Variants in R3HCC1L observed in about 807,000 individuals in gnomAD.
The protein encoded by R3HCC1L is R3H domain and coiled-coil containing 1 like.
A neutral mutation model predicts 59.9 loss-of-function variants in R3HCC1L; 51 were observed. That is an observed-to-expected ratio of 0.85 (90% confidence interval 0.68 to 1.07). The LOEUF (loss-of-function observed/expected upper bound fraction) is 1.07, where lower values mean the gene tolerates loss of function less well. Among genes scored for constraint, R3HCC1L ranks in the 50% least tolerant of loss-of-function variants. The pLI, the probability that R3HCC1L is intolerant of heterozygous loss-of-function variation, is 0.00. For missense variants in R3HCC1L, 965 were observed against 933.0 expected (o/e 1.03, Z -0.45); for synonymous variants, 322 against 315.2 (o/e 1.02, Z -0.23).
At chr10:98,153,021 C>T (rs1846415261) in intron 1 of R3HCC1L, among the ~76,000 whole-genome samples, 1 of 150,206 alleles carries the variant, frequency 6.7e-6, no homozygotes, top group South Asian at 2.1e-4. Flanking sequence ...GGCCGCCGCC[C>T]CGTCCGGGAG....
At chr10:98,209,954 G>A in intron 5 of R3HCC1L, 55 bp downstream of exon 5, 1 of 1,427,170 alleles carries the variant, frequency 7.0e-7, no homozygotes, top group Non-Finnish European at 9.6e-7. Flanking sequence ...TAGGATTTCA[G>A]TGGTAATTTT....
chr10:98,212,058 A>G (rs1298843276), intron 5 of R3HCC1L, among the ~76,000 whole-genome samples: 1 of 152,104 alleles, frequency 6.6e-6, no homozygotes, highest in Non-Finnish European at 1.5e-5. Flanking sequence ...GGAAAAGAGT[A>G]GGGTCTGTGT....
intron 5 of R3HCC1L, among the ~76,000 whole-genome samples, chr10:98,212,497 A>G (rs563729523): frequency 6.6e-6 from 1 of 152,308 alleles, no homozygotes; most frequent in East Asian, 1.9e-4. Flanking sequence ...GGGTTAGAGT[A>G]TAAGTAGGTC....
chr10:98,205,781 T>C (rs991514036), intron 4 of R3HCC1L, among the ~76,000 whole-genome samples: 1 of 152,208 alleles, frequency 6.6e-6, no homozygotes, highest in Non-Finnish European at 1.5e-5. Context: ...TGGCACATAA[T>C]AATTTTAAAG....
intron 1 of R3HCC1L, among the ~76,000 whole-genome samples, chr10:98,145,635 T>G (rs1170525030): frequency 6.6e-6 from 1 of 152,210 alleles, no homozygotes; most frequent in Non-Finnish European, 1.5e-5. Context: ...GAAACTGCTT[T>G]TAGAACCTGT....
chr10:98,227,473 G>A (rs1204017412), intron 5 of R3HCC1L, among the ~76,000 whole-genome samples: 2 of 151,878 alleles, frequency 1.3e-5, no homozygotes, highest in Non-Finnish European at 2.9e-5. Context: ...TAAAACCAGA[G>A]AAAGCTTGAA....
chr10:98,166,447 C>T (rs966985196), intron 4 of R3HCC1L, among the ~76,000 whole-genome samples: 5 of 152,150 alleles, frequency 3.3e-5, no homozygotes, highest in South Asian at 2.1e-4. Context: ...TGACTTTTTG[C>T]GTCTTCACAT....
At chr10:98,234,385 T>G in intron 6 of R3HCC1L, 61 bp from the exon 7 acceptor site, 14 of 1,394,978 alleles carry the variant, frequency 1.0e-5, no homozygotes, top group Non-Finnish European at 1.4e-5. Flanking sequence ...ATTCTATTTG[T>G]GAGATGTTTC....
chr10:98,224,400 T>C (rs1855423870), intron 5 of R3HCC1L, among the ~76,000 whole-genome samples: 1 of 152,206 alleles, frequency 6.6e-6, no homozygotes, highest in African/African-American at 2.4e-5. Flanking sequence ...CTTGTTGATC[T>C]TGTGCTCTCT....
intron 4 of R3HCC1L, among the ~76,000 whole-genome samples, chr10:98,206,183 TGTA>T (rs1852625438): frequency 6.6e-6 from 1 of 152,122 alleles, no homozygotes; most frequent in Admixed American, 6.5e-5. Context: ...TTCTAGACTC[TGTA>T]ATCTAAGAGT....
intron 4 of R3HCC1L, among the ~76,000 whole-genome samples, chr10:98,171,934 G>T (rs1848550175): frequency 6.6e-6 from 1 of 152,128 alleles, no homozygotes; most frequent in Non-Finnish European, 1.5e-5. Context: ...AGCAGGCAAG[G>T]ATTAGTACTT....
chr10:98,135,456 G>A (rs1385312026), intron 1 of R3HCC1L, among the ~76,000 whole-genome samples: 1 of 152,238 alleles, frequency 6.6e-6, no homozygotes, highest in Non-Finnish European at 1.5e-5. Flanking sequence ...TTCAGCAGAA[G>A]TGATATTCCT....
chr10:98,209,083 C>T lies in R3HCC1L; in HGVS notation c.969C>T (p.Asp323=), dbSNP rs968072485. The T allele has an allele frequency of 1.9e-6, 3 of 1,613,986 alleles. No homozygotes were observed. Among genetic ancestry groups the T allele is most frequent in the African/African-American group, 1.3e-5 (1 of 75,030 alleles). ...TCTCTCTGTCAGAGAGCACAAATGA[C>T]ACTGTTAGTCCAGTAATGATTAGAG... ...GHISLSESTN[D]TVSPVMIREC... The change falls in exon 5 of 10, where the codon GAC becomes GAT. Residue 323 remains aspartate, a synonymous_variant. Coordinates refer to ENST00000298999, the MANE Select transcript of R3HCC1L (RefSeq NM_001351015.2).
intron 1 of R3HCC1L, among the ~76,000 whole-genome samples, chr10:98,155,562 T>C (rs967636446): frequency 2.6e-5 from 4 of 152,084 alleles, no homozygotes; most frequent in Non-Finnish European, 4.4e-5. Flanking sequence ...AAAAATAATT[T>C]AAAATATTTT....
chr10:98,191,363 G>A (rs1208937639), intron 4 of R3HCC1L, among the ~76,000 whole-genome samples: 1 of 152,172 alleles, frequency 6.6e-6, no homozygotes, highest in Non-Finnish European at 1.5e-5. Context: ...GCGTGAGATG[G>A]TATCTCATCA....
chr10:98,194,663 A>G (rs1851230031), intron 4 of R3HCC1L, among the ~76,000 whole-genome samples: 1 of 152,146 alleles, frequency 6.6e-6, no homozygotes, highest in Non-Finnish European at 1.5e-5. Flanking sequence ...GCAGAACCCA[A>G]ATAAAGATTT....
At position 98,209,064 on chromosome 10, in the gene R3HCC1L, T is replaced by C. The variant is rs1564698633; in HGVS notation, c.950T>C (p.Leu317Pro). Residue 317 changes from leucine (L) to proline (P), a missense_variant, in exon 5 of 10, where the codon CTG becomes CCG. Transcript: ENST00000298999. ...CCTGCAACTATGGGTCACATCTCTC[T>C]GTCAGAGAGCACAAATGACACTGTT... ...SIPATMGHIS[L>P]SESTNDTVSP... is the part of the protein sequence containing the mutation. The C allele has an allele frequency of 1.2e-6, 2 of 1,613,914 alleles. No homozygotes were observed. The highest frequency in any genetic ancestry group is 1.7e-6 in the Non-Finnish European group (2 of 1,179,810).
chr10:98,229,210 C>T (rs1282323104), intron 5 of R3HCC1L, among the ~76,000 whole-genome samples: 2 of 152,186 alleles, frequency 1.3e-5, no homozygotes, highest in South Asian at 2.1e-4. Flanking sequence ...ATTCTTCCTA[C>T]CCATGAGCAT....
intron 1 of R3HCC1L, among the ~76,000 whole-genome samples, chr10:98,155,514 A>G (rs759474593): frequency 2.0e-5 from 3 of 152,284 alleles, no homozygotes; most frequent in Non-Finnish European, 4.4e-5. Context: ...TTTTTGAATG[A>G]TGAACAATTA....
Sources: allele counts gnomAD v4.1 joint callset (sites outside exome capture counted in the v4.1 genomes callset), GRCh38; gene constraint gnomAD v4.1.1; transcripts MANE v1.5; gene names NCBI Gene and HGNC (gene_info 2026-07-23, HGNC 2026-07-21).